Variants in TMEM94 observed in about 807,000 individuals in gnomAD.
The protein encoded by TMEM94 is ER Mg2+ ATPase.
In TMEM94, 81 loss-of-function variants were observed where a neutral mutation model predicts 158.6. That is an observed-to-expected ratio of 0.51 (90% CI 0.43 to 0.61). The LOEUF (loss-of-function observed/expected upper bound fraction) is 0.61. Among genes scored for constraint, TMEM94 ranks in the 20% least tolerant of loss-of-function variants. The probability of loss-of-function intolerance (pLI) is 0.00; values close to 1 mark genes in which losing one functional copy is unlikely to be tolerated. For synonymous variants in TMEM94, 751 were observed against 730.7 expected (o/e 1.03, Z -0.45); for missense variants, 1,435 against 1,762.0 (o/e 0.81, Z 3.32).
rs1180723796 is a variant in TMEM94 at position 75,463,178 on chromosome 17, G to GTGTATA, written c.-107+6428_-107+6429insGTATAT. On this transcript the variant is annotated intron_variant, in intron 1 of 31. Transcript: ENST00000314256. ...TATATATATGTGTGTGTGTGTGTGT[G>GTGTATA]TATATATATATATATATATACAGTT... Among the ~76,000 whole-genome samples, 19 of 15,082 alleles carry GTGTATA rather than the reference G, an allele frequency of 1.3e-3. 4 individuals are homozygous for GTGTATA. Among genetic ancestry groups the GTGTATA allele is most frequent in the African/African-American group, 3.1e-3 (19 of 6,060 alleles). 9.9% of individuals were successfully genotyped at this position (15,082 alleles called of 152,430 possible). A position where few individuals can be genotyped will look rare whatever the true frequency, so the allele number is the denominator to read the frequency against.
rs754028425 is a variant in TMEM94, at chr17:75,491,433, C to T, written c.1364C>T (p.Thr455Ile). ...GAGGACCTCACCGATGGCCTATCCACCCGCTCCTTCTGCCATCCCGAGGTA... is the reference window on the plus strand; with the variant it reads ...GAGGACCTCACCGATGGCCTATCCATCCGCTCCTTCTGCCATCCCGAGGTA... ...SHEDLTDGLSTRSFCHPEPHE... is the reference protein window; with the variant it reads ...SHEDLTDGLSIRSFCHPEPHE... Residue 455 changes from threonine to isoleucine, a missense_variant, in exon 13 of 32, where the codon ACC (threonine) becomes ATC (isoleucine). Thr to Ile is a moderately conservative substitution (Grantham distance 89). Around this residue, in one of 3 missense-constraint regions of TMEM94, gnomAD observed 1,051 missense variants for 1,254.4 expected, o/e 0.84. Coordinates refer to ENST00000314256, the MANE Select transcript of TMEM94 (RefSeq NM_014738.6). This position sits in a 1 kb window ranked among gnomAD's most constrained non-coding sequence, Gnocchi z 5.1. The T allele has an allele frequency of 3.1e-6, 5 of 1,614,170 alleles. 1 individual carries two copies. The South Asian group carries it at 5.5e-5, about 18-fold the overall frequency.
intron 6 of TMEM94, 144 bp downstream of exon 6, chr17:75,488,278 C>G: frequency 1.4e-6 from 1 of 729,974 alleles, no homozygotes; most frequent in Non-Finnish European, 2.3e-6. Flanking sequence ...TTCCTCCACC[C>G]TGCTGTTCTT....
At chr17:75,461,488 A>C (rs1178030331) in intron 1 of TMEM94, among the ~76,000 whole-genome samples, 2 of 152,170 alleles carry the variant, frequency 1.3e-5, no homozygotes, top group African/African-American at 4.8e-5. Flanking sequence ...TCAAGGGCAG[A>C]AAAAAGTATA....
At chr17:75,465,681 T>TATA (rs1491206835) in intron 1 of TMEM94, among the ~76,000 whole-genome samples, 1 of 62,070 alleles carries the variant, frequency 1.6e-5, no homozygotes, top group African/African-American at 5.4e-5. Flanking sequence ...ATATATATAT[T>TATA]TTTTTTTAAT....
intron 10 of TMEM94, 115 bp from the exon 11 acceptor site, chr17:75,490,587 C>G (rs1433239572): frequency 1.9e-6 from 2 of 1,037,870 alleles, no homozygotes; most frequent in African/African-American, 1.6e-5. Context: ...GGCCTGGGCC[C>G]TTTACCAAAG....
rs890247491 is a variant in TMEM94, at chr17:75,487,094, T to C, written c.409+668T>C. Among the ~76,000 whole-genome samples the C allele has an allele frequency of 8.5e-5, 13 of 152,144 alleles. No individual in the cohort carries two copies. The highest frequency in any genetic ancestry group is 1.8e-4 in the Non-Finnish European group (12 of 68,010). On this transcript the variant is annotated intron_variant, in intron 5 of 31. Coordinates refer to ENST00000314256, the MANE Select transcript of TMEM94 (RefSeq NM_014738.6). This position sits in a 1 kb window ranked among gnomAD's most constrained non-coding sequence, Gnocchi z 4.6. The stretch of plus-strand genomic sequence containing the variant: ...GTGAGTTTGTCCTTTCGTTCTGAGA[T>C]GGTTAATTGCCACCATGTGCCAGGC...
Position 75,491,118 on chromosome 17 carries a change from A to C in TMEM94, c.1198A>C (p.Ser400Arg). The C allele has an allele frequency of 6.2e-7, 1 of 1,613,470 alleles. No homozygotes were observed. Among genetic ancestry groups the C allele is most frequent in the Non-Finnish European group, 8.5e-7 (1 of 1,179,726 alleles). Residue 400 changes from serine (S) to arginine (R), a missense_variant, in exon 12 of 32, where the codon AGT becomes CGT. This residue lies in a region of TMEM94 where 1,051 missense variants were observed against 1,254.4 expected (regional missense o/e 0.84). Transcript: ENST00000314256. The surrounding 1 kb of genome is among the most constrained non-coding windows in gnomAD (Gnocchi z 5.1). Reference sequence around the variant, plus strand: ...GGGGACATCGCCAACGCTGAGCCACAGTTCCAGCCTGCTGCACAGCCTGGG... The same window carrying C: ...GGGGACATCGCCAACGCTGAGCCACCGTTCCAGCCTGCTGCACAGCCTGGG... ...LGGTSPTLSH[S>R]SSLLHSLGSV...
intron 1 of TMEM94, among the ~76,000 whole-genome samples, chr17:75,464,763 C>T (rs1041559389): frequency 1.3e-5 from 2 of 150,106 alleles, no homozygotes; most frequent in African/African-American, 2.5e-5. Flanking sequence ...GGATGGAGTG[C>T]GATGGCATGA....
intron 5 of TMEM94, among the ~76,000 whole-genome samples, chr17:75,486,745 G>A (rs2051651571): frequency 1.3e-5 from 2 of 152,144 alleles, no homozygotes; most frequent in Admixed American, 6.5e-5. Flanking sequence ...AAGTTTTCTC[G>A]TTCAAGTCCA....
chr17:75,485,753 C>T lies in TMEM94; in HGVS notation c.145-118C>T. 2.1e-6 allele frequency: 3 copies of T among 1,400,754 alleles called. No individual in the cohort carries two copies. The highest frequency in any genetic ancestry group is 2.9e-6 in the Non-Finnish European group (3 of 1,041,044). The allele number at this position is 1,400,754 out of a possible 1,614,324, so 86.8% of individuals were successfully genotyped here. A position where few individuals can be genotyped will look rare whatever the true frequency, so the allele number is the denominator to read the frequency against. ...AGGAGCCCAACAGGCTGGAGCCCAG[C>T]CGAGGTCAAAGAGAGGGGACCAAGG... is the stretch of plus-strand genomic sequence containing the variant. On this transcript the variant is annotated intron_variant, in intron 3 of 31. Coordinates refer to ENST00000314256, the MANE Select transcript of TMEM94 (RefSeq NM_014738.6). This position sits in a 1 kb window ranked among gnomAD's most constrained non-coding sequence, Gnocchi z 5.5.
chr17:75,488,974 A>G, intron 7 of TMEM94, 64 bp downstream of exon 7: 2 of 1,507,600 alleles, frequency 1.3e-6, no homozygotes, highest in Non-Finnish European at 1.8e-6. Flanking sequence ...AATGGGACTG[A>G]CAAGGAAGGG....
rs935928933 is a variant in TMEM94, at chr17:75,499,890, C to T, written c.*556C>T. 2 of 155,356 alleles carry T rather than the reference C, an allele frequency of 1.3e-5. No homozygotes were observed. Among genetic ancestry groups the T allele is most frequent in the East Asian group, 1.9e-4 (1 of 5,220 alleles). The allele number at this position is 155,356 out of a possible 1,614,324, so 9.6% of individuals were successfully genotyped here. A position where few individuals can be genotyped will look rare whatever the true frequency, so the allele number is the denominator to read the frequency against. On this transcript the variant is annotated 3_prime_UTR_variant, in exon 32 of 32. Coordinates refer to ENST00000314256, the MANE Select transcript of TMEM94 (RefSeq NM_014738.6). ...CTGAACCTGAAGATGGAGCAGGGCC[C>T]CCGCTTCGCCCTGGAGCCTCTTCCT...
chr17:75,495,618 C>T lies in TMEM94; in HGVS notation c.2919C>T (p.Pro973=), dbSNP rs1432321741. The part of the protein sequence containing the change: ...QNIDNVPLLV[P]LFTDCTPETM... The stretch of plus-strand genomic sequence containing the variant: ...TTGACAACGTGCCCCTGCTAGTGCC[C>T]CTTTTCACCGACTGCACCCCAGAGA... Residue 973 remains proline (P), a synonymous_variant, in exon 22 of 32, where the codon CCC becomes CCT. Transcript: ENST00000314256. The surrounding 1 kb of genome is among the most constrained non-coding windows in gnomAD (Gnocchi z 5.6). 6.2e-6 allele frequency: 10 copies of T among 1,613,464 alleles called. No individual in the cohort carries two copies. The highest frequency in any genetic ancestry group is 2.7e-5 in the African/African-American group (2 of 74,928).
In TMEM94 at chr17:75,485,034, T is replaced by G. The variant is rs1333691634; in HGVS notation, c.25-394T>G. 7.0e-6 allele frequency among the ~76,000 whole-genome samples: 1 copy of G among 142,824 alleles called. No homozygotes were observed. Among genetic ancestry groups the G allele is most frequent in the East Asian group, 2.0e-4 (1 of 4,938 alleles). The allele number at this position is 142,824 out of a possible 152,430, so 93.7% of individuals were successfully genotyped here. ...GCCTAGGAGACTAAGCAAGACTCTA[T>G]CTAAAAAAAAAAAAAAAAATTGTCC... On this transcript the variant is annotated intron_variant, in intron 2 of 31. Transcript: ENST00000314256. This position sits in a 1 kb window ranked among gnomAD's most constrained non-coding sequence, Gnocchi z 5.5.
At position 75,491,006 on chromosome 17, in the gene TMEM94, G is replaced by A. The variant is rs374368916; in HGVS notation, c.1129-43G>A. On this transcript the variant is annotated intron_variant, in intron 11 of 31. Coordinates refer to ENST00000314256, the MANE Select transcript of TMEM94 (RefSeq NM_014738.6). The surrounding 1 kb of genome is among the most constrained non-coding windows in gnomAD (Gnocchi z 5.1). The stretch of plus-strand genomic sequence containing the variant: ...TAGAGGCCGTCTCCAGGGAAATGAG[G>A]CTGAGCCCTAAATGGCCTTGCAGAC... 1 of 1,476,344 alleles carries A rather than the reference G, an allele frequency of 6.8e-7. No individual in the cohort carries two copies. The highest frequency in any genetic ancestry group is 1.4e-5 in the African/African-American group (1 of 71,866). The allele number at this position is 1,476,344 out of a possible 1,614,324, so 91.5% of individuals were successfully genotyped here. A position where few individuals can be genotyped will look rare whatever the true frequency, so the allele number is the denominator to read the frequency against.
intron 2 of TMEM94, among the ~76,000 whole-genome samples, chr17:75,479,188 C>T (rs2050955620): frequency 6.6e-6 from 1 of 152,086 alleles, no homozygotes; most frequent in Non-Finnish European, 1.5e-5. Context: ...AGAAAGCAGG[C>T]CAGGCACGGT....
intron 18 of TMEM94, 46 bp downstream of exon 18, chr17:75,493,962 G>A (rs2052451090): frequency 1.9e-6 from 3 of 1,567,662 alleles, no homozygotes; most frequent in Non-Finnish European, 2.6e-6. Flanking sequence ...GGGCTCCCCT[G>A]GGCTGCCGAA....
chr17:75,476,570 A>G (rs2050701269), intron 2 of TMEM94: 1 of 1,470,894 alleles, frequency 6.8e-7, no homozygotes, highest in South Asian at 1.4e-5. Context: ...TTGCTCACAC[A>G]CTCTCAGCTG....
Position 75,499,202 on chromosome 17 carries a change from G to A in TMEM94, c.3999-60G>A, listed in dbSNP as rs532020740. The A allele has an allele frequency of 8.3e-5, 133 of 1,604,808 alleles. No homozygotes were observed. In the Admixed American group the frequency reaches 2.2e-3, roughly 27 times the overall value. On this transcript the variant is annotated intron_variant, in intron 31 of 31. Coordinates refer to ENST00000314256, the MANE Select transcript of TMEM94 (RefSeq NM_014738.6). ...TCCCTCCCTCCTCCTCTGGTGTCCT[G>A]CCCCGGCCCCTGGTCTAAGGATCTT... is the stretch of plus-strand genomic sequence containing the variant.
Sources: gnomAD v4.1 joint callset for allele counts (sites outside exome capture counted in the v4.1 genomes callset) on GRCh38, gnomAD v4.1.1 for gene constraint, gnomAD v4.1.1 regional missense constraint, Gnocchi (gnomAD v3.1) non-coding constraint, MANE v1.5 for transcripts, NCBI Gene and HGNC (gene_info 2026-07-23, HGNC 2026-07-21) for gene names.